Variants in KCNMB3 observed in about 807,000 individuals in gnomAD.
KCNMB3 encodes the protein potassium calcium-activated channel subfamily M regulatory beta subunit 3.
In KCNMB3, 18 loss-of-function variants were observed where a neutral mutation model predicts 11.9. That is an observed-to-expected ratio of 1.51 (90% confidence interval 1.04 to 2.23). The LOEUF (loss-of-function observed/expected upper bound fraction) is 2.23. Ranked by LOEUF, KCNMB3 falls within the 30% of genes most tolerant of loss-of-function variation. The pLI is 0.00. For missense variants in KCNMB3, 247 were observed against 329.4 expected (o/e 0.75, Z 1.94); for synonymous variants, 78 against 119.2 (o/e 0.65, Z 2.25).
intron 1 of KCNMB3, among the ~76,000 whole-genome samples, chr3:179,262,260 C>T (rs1290340784): frequency 6.6e-6 from 1 of 152,218 alleles, no homozygotes; most frequent in Non-Finnish European, 1.5e-5. Flanking sequence ...ATATTATTCT[C>T]AAGCATGTAT....
At position 179,250,929 on chromosome 3, in the gene KCNMB3, G is replaced by A. The variant is rs767897595; in HGVS notation, c.62C>T (p.Ala21Val). 2 of 1,614,010 alleles carry A rather than the reference G, an allele frequency of 1.2e-6. No homozygotes were observed. The highest frequency in any genetic ancestry group is 1.1e-5 in the South Asian group (1 of 91,080). ...TCTCTTCTTCCCTGAGGCAGGAAAG[G>A]CTGTCCTTTGGGGAAAGGGAGAAGG... ...VSPSPFPQRTAFPASGKKRET... is the reference protein window; with the variant it reads ...VSPSPFPQRTVFPASGKKRET... Residue 21 changes from alanine (A) to valine (V), a missense_variant, in exon 1 of 3, where the codon GCC (alanine) becomes GTC (valine). Coordinates refer to ENST00000392685, the MANE Select transcript of KCNMB3 (RefSeq NM_171830.2).
At chr3:179,244,864 A>G (rs1725584600) in intron 1 of KCNMB3, among the ~76,000 whole-genome samples, 171 bp from the exon 2 acceptor site, 1 of 152,196 alleles carries the variant, frequency 6.6e-6, no homozygotes, top group Non-Finnish European at 1.5e-5. Context: ...AACAGGGAGC[A>G]TGGAAGACAC....
At chr3:179,249,348 A>G (rs1190306976) in intron 1 of KCNMB3, among the ~76,000 whole-genome samples, 1 of 149,302 alleles carries the variant, frequency 6.7e-6, no homozygotes, top group African/African-American at 2.4e-5. Flanking sequence ...TAAATAAGCT[A>G]GAGAAAAGAA....
chr3:179,266,812 G>A (rs1726382929), exon 1 of KCNMB3: 1 of 1,505,646 alleles, frequency 6.6e-7, no homozygotes, highest in Non-Finnish European at 8.9e-7. Flanking sequence ...GAGTCCCAGC[G>A]GGAGCCCCCA....
upstream of KCNMB3, among the ~76,000 whole-genome samples, chr3:179,255,300 G>C (rs1029387500): frequency 2.7e-5 from 4 of 150,904 alleles, no homozygotes; most frequent in African/African-American, 9.7e-5. Context: ...TATTTGCATA[G>C]AATATAAAAT....
At position 179,250,957 on chromosome 3, in the gene KCNMB3, A is replaced by T; in HGVS notation, c.34T>A (p.Ser12Thr). ...GTCCTTTGGGGAAAGGGAGAAGGAG[A>T]TACTGCAGTGAGCTCATAAAGAAGG... The part of the protein sequence containing the change: ...FPLLYELTAV[S>T]PSPFPQRTAF... The change falls in exon 1 of 3, where the codon TCT becomes ACT. Residue 12 changes from serine (S) to threonine (T), a missense_variant. Physicochemically the swap from Ser to Thr is moderately conservative, Grantham distance 58 (BLOSUM62 1). This residue lies in a region of KCNMB3 where 160 missense variants were observed against 157.5 expected (regional missense o/e 1.02). Transcript: ENST00000392685. The T allele has an allele frequency of 6.2e-7, 1 of 1,614,094 alleles. No homozygotes were observed. The highest frequency in any genetic ancestry group is 1.1e-5 in the South Asian group (1 of 91,074).
At chr3:179,255,580 C>T (rs1725986165), upstream of KCNMB3, among the ~76,000 whole-genome samples, 1 of 151,996 alleles carries the variant, frequency 6.6e-6, no homozygotes, top group South Asian at 2.1e-4. Flanking sequence ...GGTTCAGAGA[C>T]ATGAAAGATA....
At chr3:179,263,735 T>C (rs1333698621) in intron 1 of KCNMB3, among the ~76,000 whole-genome samples, 7 of 151,716 alleles carry the variant, frequency 4.6e-5, no homozygotes, top group Admixed American at 4.6e-4. Context: ...GTTAATCCCC[T>C]CCTGCTCTAT....
At chr3:179,241,335 G>T (rs1725450230), downstream of KCNMB3, 2 of 153,988 alleles carry the variant, frequency 1.3e-5, no homozygotes, top group South Asian at 2.0e-4. Flanking sequence ...TGTAATTATG[G>T]CCTACAAAGT....
chr3:179,261,496 GCGGGC>G (rs1726211033), intron 1 of KCNMB3, among the ~76,000 whole-genome samples: 1 of 151,684 alleles, frequency 6.6e-6, no homozygotes, highest in Non-Finnish European at 1.5e-5. Context: ...GTAGGTGGCC[GCGGGC>G]TGAGCCTGGC....
At position 179,249,984 on chromosome 3, in the gene KCNMB3, G is replaced by A. The variant is rs142042594; in HGVS notation, c.248+759C>T. ...TGTGCTGCAAACCACCATGGCACACGTTTACCTTTGTAACAAACCTGCACA... is the reference window on the plus strand; with the variant it reads ...TGTGCTGCAAACCACCATGGCACACATTTACCTTTGTAACAAACCTGCACA... On this transcript the variant is annotated intron_variant, in intron 1 of 2. Coordinates refer to ENST00000392685, the MANE Select transcript of KCNMB3 (RefSeq NM_171830.2). Among the ~76,000 whole-genome samples, 24 of 152,096 alleles carry A rather than the reference G, an allele frequency of 1.6e-4. No homozygotes were observed. In the East Asian group the frequency reaches 4.2e-3, roughly 27 times the overall value.
chr3:179,264,486 G>C (rs1402917979), intron 1 of KCNMB3, among the ~76,000 whole-genome samples: 1 of 152,122 alleles, frequency 6.6e-6, no homozygotes, highest in East Asian at 1.9e-4. Context: ...CTTCTAACCA[G>C]TGTATTACCT....
chr3:179,240,033 T>A (rs1361447164), downstream of KCNMB3: 2 of 1,548,654 alleles, frequency 1.3e-6, no homozygotes, highest in East Asian at 2.4e-5. Context: ...CAATGTCTGC[T>A]TTTCTTTAAC....
At chr3:179,251,659 C>T (rs1046250984), upstream of KCNMB3, 10 of 1,241,952 alleles carry the variant, frequency 8.1e-6, no homozygotes, top group East Asian at 6.2e-5. Context: ...GGTCGCAAAC[C>T]GGTGGGCATG....
In KCNMB3 at chr3:179,266,644, C is replaced by T. The variant is rs760670642; in HGVS notation, c.62+5G>A. The stretch of plus-strand genomic sequence containing the variant: ...CTACCGGCAGAGCTTCCGGAAGTGA[C>T]TTACCTCCCCTGGCGCCTCCGGCTG... On this transcript the variant is annotated splice_donor_5th_base_variant and intron_variant, in intron 1 of 3. Transcript: ENST00000349697. 3.1e-6 allele frequency: 5 copies of T among 1,613,966 alleles called. No individual in the cohort carries two copies. The East Asian group carries it at 6.7e-5, about 22-fold the overall frequency.
upstream of KCNMB3, among the ~76,000 whole-genome samples, chr3:179,255,941 G>A (rs535114638): frequency 1.3e-4 from 20 of 152,134 alleles, no homozygotes; most frequent in Non-Finnish European, 1.9e-4. Flanking sequence ...AGAATTCTAT[G>A]TCTACAAAAA....
At chr3:179,240,918 T>A (rs1725439012), downstream of KCNMB3, 1 of 152,214 alleles carries the variant, frequency 6.6e-6, no homozygotes, top group Non-Finnish European at 1.5e-5. Context: ...GCACATCAAA[T>A]GTTCATGTGT....
At chr3:179,260,857 C>G in intron 1 of KCNMB3, 1 of 1,202,908 alleles carries the variant, frequency 8.3e-7, no homozygotes, top group Non-Finnish European at 1.2e-6. Context: ...ACATATCTTT[C>G]AGGGTGTCAA....
chr3:179,257,603 C>T (rs1379827015), intron 1 of KCNMB3, among the ~76,000 whole-genome samples: 2 of 152,170 alleles, frequency 1.3e-5, no homozygotes, highest in Non-Finnish European at 2.9e-5. Flanking sequence ...TTTAAAATAT[C>T]CTACTCCAGT....
Sources: gnomAD v4.1 joint callset for allele counts (sites outside exome capture counted in the v4.1 genomes callset) on GRCh38, gnomAD v4.1.1 for gene constraint, gnomAD v4.1.1 regional missense constraint, MANE v1.5 for transcripts, NCBI Gene and HGNC (gene_info 2026-07-23, HGNC 2026-07-21) for gene names.